The following AGBL4 variants were observed in gnomAD, a reference collection of about 807,000 sequenced individuals.
The protein encoded by AGBL4 is AGBL carboxypeptidase 4, also known as cytosolic carboxypeptidase 6.
AGBL4 carries 58 observed loss-of-function variants against 66.4 expected under a neutral mutation model. The ratio of observed to expected loss-of-function variants is 0.87; its 90% CI spans 0.71 to 1.09. The LOEUF is 1.09. Among genes scored for constraint, AGBL4 ranks in the 50% least tolerant of loss-of-function variants. The probability of loss-of-function intolerance (pLI) is 0.00; values close to 1 mark genes in which losing one functional copy is unlikely to be tolerated. For missense variants in AGBL4, 579 were observed against 631.0 expected (o/e 0.92, Z 0.88); for synonymous variants, 234 against 222.9 (o/e 1.05, Z -0.44).
chr1:49,450,487 T>C (rs944806393), intron 3 of AGBL4, among the ~76,000 whole-genome samples: 2 of 152,066 alleles, frequency 1.3e-5, no homozygotes, highest in Non-Finnish European at 2.9e-5. Flanking sequence ...GTTCCCATAG[T>C]TGGAGAGATT....
At chr1:49,503,040 T>C (rs182558827) in intron 3 of AGBL4, among the ~76,000 whole-genome samples, 22 of 152,132 alleles carry the variant, frequency 1.4e-4, no homozygotes, top group Admixed American at 1.2e-3. Flanking sequence ...GCCCCTACCA[T>C]CACAGACCCA....
chr1:49,126,342 C>T (rs963148080), intron 4 of AGBL4, among the ~76,000 whole-genome samples: 7 of 152,124 alleles, frequency 4.6e-5, no homozygotes, highest in African/African-American at 1.7e-4. Flanking sequence ...CAATAGTGAT[C>T]TGAAGACTCC....
intron 3 of AGBL4, among the ~76,000 whole-genome samples, chr1:49,388,673 G>A (rs1363097686): frequency 1.3e-5 from 2 of 152,030 alleles, no homozygotes; most frequent in African/African-American, 4.8e-5. Flanking sequence ...GCCACAAATG[G>A]CCAGGTTTTT....
intron 3 of AGBL4, among the ~76,000 whole-genome samples, chr1:49,689,124 G>A (rs1646839694): frequency 6.6e-6 from 1 of 152,042 alleles, no homozygotes; most frequent in South Asian, 2.1e-4. Context: ...TGTTTGTGGA[G>A]TATTACTCAA....
intron 10 of AGBL4, among the ~76,000 whole-genome samples, chr1:48,589,286 C>A (rs1644876888): frequency 1.3e-5 from 2 of 152,152 alleles, no homozygotes. Flanking sequence ...AAATAATCTG[C>A]CAATTCCTTT....
At chr1:48,602,970 G>A (rs1253265629) in intron 9 of AGBL4, among the ~76,000 whole-genome samples, 2 of 152,178 alleles carry the variant, frequency 1.3e-5, no homozygotes, top group Non-Finnish European at 2.9e-5. Context: ...TGAAGACTGG[G>A]TGAAAGTATG....
At chr1:48,595,324 T>C (rs554864805) in intron 9 of AGBL4, among the ~76,000 whole-genome samples, 35 of 152,322 alleles carry the variant, frequency 2.3e-4, no homozygotes, top group African/African-American at 7.9e-4. Flanking sequence ...TGGTATATAG[T>C]AGGTCATCAT....
intron 3 of AGBL4, among the ~76,000 whole-genome samples, chr1:49,678,313 T>C (rs1234483167): frequency 6.6e-6 from 1 of 152,154 alleles, no homozygotes; most frequent in African/African-American, 2.4e-5. Flanking sequence ...GTATCTCCTA[T>C]TTCATTCCTA....
chr1:49,222,479 T>C (rs1448115751), intron 4 of AGBL4, among the ~76,000 whole-genome samples: 3 of 152,192 alleles, frequency 2.0e-5, no homozygotes, highest in Non-Finnish European at 2.9e-5. Context: ...TTACTTAAAC[T>C]CATCTAATAA....
At chr1:49,979,912 A>C (rs1572002322) in intron 1 of AGBL4, among the ~76,000 whole-genome samples, 1 of 152,196 alleles carries the variant, frequency 6.6e-6, no homozygotes, top group East Asian at 1.9e-4. Flanking sequence ...GTGGTTATCC[A>C]TTTCAGAAAG....
At chr1:48,561,335 T>C (rs896168763) in intron 11 of AGBL4, among the ~76,000 whole-genome samples, 1 of 152,068 alleles carries the variant, frequency 6.6e-6, no homozygotes, top group African/African-American at 2.4e-5. Context: ...ATAGATTGGA[T>C]TAGATTAACT....
intron 2 of AGBL4, among the ~76,000 whole-genome samples, chr1:49,814,251 T>C (rs986410637): frequency 6.6e-6 from 1 of 152,136 alleles, no homozygotes; most frequent in Non-Finnish European, 1.5e-5. Flanking sequence ...ATGTACCATA[T>C]AAGTATCTAT....
intron 3 of AGBL4, among the ~76,000 whole-genome samples, chr1:49,342,198 G>A (rs531112172): frequency 2.0e-5 from 3 of 152,216 alleles, no homozygotes; most frequent in East Asian, 1.9e-4. Context: ...TGCGCAAGCT[G>A]GTTGAGTGAA....
chr1:49,188,273 G>C (rs1647051204), intron 4 of AGBL4, among the ~76,000 whole-genome samples: 1 of 151,986 alleles, frequency 6.6e-6, no homozygotes. Context: ...GACTCTCCTG[G>C]GCGTTCCCAT....
chr1:49,643,303 A>T (rs1645821076), intron 3 of AGBL4, among the ~76,000 whole-genome samples: 1 of 151,762 alleles, frequency 6.6e-6, no homozygotes, highest in Admixed American at 6.6e-5. Flanking sequence ...TAGAGGGGAA[A>T]AAAAGACAAT....
At chr1:49,947,721 G>A (rs904793619) in intron 1 of AGBL4, among the ~76,000 whole-genome samples, 1 of 150,296 alleles carries the variant, frequency 6.7e-6, no homozygotes, top group Non-Finnish European at 1.5e-5. Context: ...AGAAATAAAG[G>A]GCATCCAAAT....
In AGBL4 at chr1:49,150,874, A is replaced by T. The variant is rs558221173; in HGVS notation, c.377+94896T>A. 8.9e-4 allele frequency among the ~76,000 whole-genome samples: 136 copies of T among 152,322 alleles called. 1 individual carries two copies. The highest frequency in any genetic ancestry group is 3.2e-3 in the African/African-American group (132 of 41,576). On this transcript the variant is annotated intron_variant, in intron 4 of 13. Transcript: ENST00000371839. ...TTCCTATCAGTTCTACACTCCAGTG[A>T]TGTCCATTACTGTGCTTGGCAAATA...
At chr1:49,677,690 T>G (rs541312326) in intron 3 of AGBL4, among the ~76,000 whole-genome samples, 3 of 152,228 alleles carry the variant, frequency 2.0e-5, no homozygotes, top group African/African-American at 4.8e-5. Flanking sequence ...AATTAGTATT[T>G]TGAAGACCTC....
rs182010901 is a variant in AGBL4 at position 49,584,663 on chromosome 1, G to A, written c.282+112650C>T. 5.4e-4 allele frequency among the ~76,000 whole-genome samples: 82 copies of A among 152,202 alleles called. No homozygotes were observed. The East Asian group carries it at 0.014, about 25-fold the overall frequency. ...TTATGAAGACTCTCTTTAAGAAACC[G>A]AAAACAATATTATGAATATGAAATC... On this transcript the variant is annotated intron_variant, in intron 3 of 13. Transcript: ENST00000371839.
Sources: allele counts gnomAD v4.1 joint callset (sites outside exome capture counted in the v4.1 genomes callset), GRCh38; gene constraint gnomAD v4.1.1; transcripts MANE v1.5; gene names NCBI Gene and HGNC (gene_info 2026-07-23, HGNC 2026-07-21).